Variants in L3MBTL4 observed in about 807,000 individuals in gnomAD.
L3MBTL4 encodes L3MBTL histone methyl-lysine binding protein 4.
L3MBTL4 carries 70 observed loss-of-function variants against 84.5 expected under a neutral mutation model. The observed-to-expected ratio is 0.83, with a 90% CI of 0.68 to 1.01. The LOEUF is 1.01. L3MBTL4 is among the 50% of genes least tolerant of loss of function. The pLI, the probability that L3MBTL4 is intolerant of heterozygous loss-of-function variation, is 0.00. For synonymous variants in L3MBTL4, 274 were observed against 259.8 expected (o/e 1.05, Z -0.52); for missense variants, 715 against 754.8 (o/e 0.95, Z 0.62).
intron 16 of L3MBTL4, among the ~76,000 whole-genome samples, chr18:6,038,947 T>C (rs2056278081): frequency 6.6e-6 from 1 of 152,068 alleles, no homozygotes; most frequent in South Asian, 2.1e-4. Flanking sequence ...TCCCTCATGA[T>C]GGGATTAGTG....
intron 16 of L3MBTL4, among the ~76,000 whole-genome samples, chr18:6,072,294 A>G (rs757018434): frequency 1.1e-4 from 17 of 152,332 alleles, no homozygotes; most frequent in Non-Finnish European, 2.5e-4. Context: ...CGGTATGATT[A>G]ACAATTGCTC....
At chr18:6,373,265 G>GA (rs2054232479) in intron 1 of L3MBTL4, among the ~76,000 whole-genome samples, 1 of 152,166 alleles carries the variant, frequency 6.6e-6, no homozygotes, top group African/African-American at 2.4e-5. Context: ...GCACAGTAAA[G>GA]AAACAACCTG....
In L3MBTL4 at chr18:6,027,436, T is replaced by C. The variant is rs899959811; in HGVS notation, c.1444+53445A>G. ...CACATTTTCTTTGTCCAGTCTATCA[T>C]TGATGGACATTTGGGTTGGTTCTAA... On this transcript the variant is annotated intron_variant, in intron 16 of 18. Transcript: ENST00000317931. 6.6e-5 allele frequency among the ~76,000 whole-genome samples: 10 copies of C among 152,376 alleles called. No individual in the cohort carries two copies. In the East Asian group the frequency reaches 1.2e-3, roughly 18 times the overall value.
At chr18:6,014,135 T>C (rs527816818) in intron 16 of L3MBTL4, among the ~76,000 whole-genome samples, 11 of 152,324 alleles carry the variant, frequency 7.2e-5, no homozygotes, top group African/African-American at 2.4e-4. Context: ...TTCTTCTGCC[T>C]CCTATGGGGC....
chr18:6,296,062 G>A (rs2050097289), intron 4 of L3MBTL4, among the ~76,000 whole-genome samples: 1 of 152,124 alleles, frequency 6.6e-6, no homozygotes, highest in African/African-American at 2.4e-5. Context: ...CCCTCACAAA[G>A]TTTAGAAAAT....
At chr18:6,033,059 T>C (rs2055916560) in intron 16 of L3MBTL4, among the ~76,000 whole-genome samples, 1 of 152,232 alleles carries the variant, frequency 6.6e-6, no homozygotes, top group African/African-American at 2.4e-5. Context: ...AAGTCCTCTA[T>C]TTCCTTATGT....
intron 14 of L3MBTL4, among the ~76,000 whole-genome samples, chr18:6,114,969 A>C (rs1298272336): frequency 6.6e-6 from 1 of 152,220 alleles, no homozygotes; most frequent in East Asian, 1.9e-4. Context: ...GCGGAAGGGC[A>C]GCCATGGAAA....
chr18:5,990,770 GGT>G (rs34551806), intron 16 of L3MBTL4, among the ~76,000 whole-genome samples: 35,220 of 141,900 alleles, frequency 0.25, 4,104 homozygotes, highest in Non-Finnish European at 0.28. Context: ...GGTTCATGTG[GGT>G]GTGTGTGTGT....
chr18:6,277,517 T>C (rs1421393818), intron 4 of L3MBTL4, among the ~76,000 whole-genome samples: 2 of 152,136 alleles, frequency 1.3e-5, no homozygotes, highest in African/African-American at 2.4e-5. Context: ...CACCAGAACG[T>C]TGGGGATTTA....
chr18:6,361,617 G>A (rs1387269376), intron 1 of L3MBTL4, among the ~76,000 whole-genome samples: 10 of 152,156 alleles, frequency 6.6e-5, no homozygotes, highest in South Asian at 2.1e-4. Flanking sequence ...TGGAAATGGA[G>A]GAAACCAGAC....
chr18:6,369,046 A>T (rs1450007327), intron 1 of L3MBTL4, among the ~76,000 whole-genome samples: 1 of 129,072 alleles, frequency 7.7e-6, no homozygotes, highest in East Asian at 2.1e-4. Flanking sequence ...GGTCTCAAAA[A>T]TTAAAAAAAA....
At chr18:6,276,834 C>T (rs1222129837) in intron 4 of L3MBTL4, among the ~76,000 whole-genome samples, 2 of 151,746 alleles carry the variant, frequency 1.3e-5, no homozygotes, top group Admixed American at 6.6e-5. Context: ...TATAAATTTC[C>T]GATGTGGTGA....
intron 12 of L3MBTL4, among the ~76,000 whole-genome samples, chr18:6,192,677 A>G (rs115627958): frequency 2.0e-5 from 3 of 152,286 alleles, no homozygotes; most frequent in Non-Finnish European, 2.9e-5. Context: ...GGGAAACTCA[A>G]TGACTGCCAG....
chr18:6,104,213 C>T (rs184763203), intron 14 of L3MBTL4, among the ~76,000 whole-genome samples: 1 of 152,292 alleles, frequency 6.6e-6, no homozygotes, highest in Non-Finnish European at 1.5e-5. Flanking sequence ...ATCCAGCAAT[C>T]CCACTTCTGG....
intron 14 of L3MBTL4, among the ~76,000 whole-genome samples, chr18:6,125,054 G>A (rs1255458793): frequency 6.6e-6 from 1 of 152,108 alleles, no homozygotes; most frequent in Admixed American, 6.5e-5. Flanking sequence ...GTAAATGTAG[G>A]TTTAGAAACG....
intron 1 of L3MBTL4, among the ~76,000 whole-genome samples, chr18:6,330,196 C>T (rs974807243): frequency 1.3e-5 from 2 of 152,226 alleles, no homozygotes; most frequent in African/African-American, 4.8e-5. Context: ...GTGGAACTCT[C>T]ATGTCACAGA....
intron 12 of L3MBTL4, among the ~76,000 whole-genome samples, chr18:6,200,767 C>T (rs182153765): frequency 1.3e-5 from 2 of 152,166 alleles, no homozygotes; most frequent in African/African-American, 2.4e-5. Context: ...AAGCATATTG[C>T]TTCTTAAAGG....
intron 4 of L3MBTL4, among the ~76,000 whole-genome samples, chr18:6,274,263 C>G (rs1469880593): frequency 6.6e-6 from 1 of 152,154 alleles, no homozygotes; most frequent in Non-Finnish European, 1.5e-5. Context: ...TCTGCTGAAT[C>G]AAAAACTCTG....
At chr18:6,089,343 A>G (rs1333125322) in intron 15 of L3MBTL4, among the ~76,000 whole-genome samples, 1 of 152,176 alleles carries the variant, frequency 6.6e-6, no homozygotes, top group African/African-American at 2.4e-5. Context: ...CAGTTTGGGG[A>G]AAACATGGTA....
Sources: allele counts gnomAD v4.1 joint callset (sites outside exome capture counted in the v4.1 genomes callset), GRCh38; gene constraint gnomAD v4.1.1; transcripts MANE v1.5; gene names NCBI Gene and HGNC (gene_info 2026-07-23, HGNC 2026-07-21).